The following TCOF1 variants were observed in gnomAD, a reference collection of about 807,000 sequenced individuals.
TCOF1 encodes the protein treacle protein.
A neutral mutation model predicts 149.0 loss-of-function variants in TCOF1; 33 were observed. That is an observed-to-expected ratio of 0.22 (90% CI 0.17 to 0.30). TCOF1 has a LOEUF of 0.30. Ranked by LOEUF, TCOF1 falls within the 10% of genes least tolerant of loss-of-function variation. The pLI is 1.00. For missense variants in TCOF1, 1,728 were observed against 1,840.7 expected (o/e 0.94, Z 1.12); for synonymous variants, 789 against 738.8 (o/e 1.07, Z -1.10).
At position 150,391,950 on chromosome 5, in the gene TCOF1, G is replaced by A. The variant is rs371596319; in HGVS notation, c.3298-7G>A. ...TCCTTCCATTCCTTCTCCTTTCACC[G>A]AATTAGGTTGACAGTGCTGTGGGAA... On this transcript the variant is annotated splice_polypyrimidine_tract_variant and splice_region_variant and intron_variant, in intron 20 of 26. Coordinates refer to ENST00000643257, the MANE Select transcript of TCOF1 (RefSeq NM_001371623.1). The A allele has an allele frequency of 3.0e-5, 49 of 1,613,850 alleles. No homozygotes were observed. Among genetic ancestry groups the A allele is most frequent in the Admixed American group, 2.8e-4 (17 of 59,970 alleles).
In TCOF1 at chr5:150,376,141, T is replaced by C. The variant is rs151344571; in HGVS notation, c.1953T>C (p.Thr651=). 2.1e-5 allele frequency: 34 copies of C among 1,614,062 alleles called. No individual in the cohort carries two copies. The highest frequency in any genetic ancestry group is 4.0e-5 in the African/African-American group (3 of 74,928). Residue 651 remains threonine, a synonymous_variant, in exon 13 of 27, where the codon ACT becomes ACC. Coordinates refer to ENST00000643257, the MANE Select transcript of TCOF1 (RefSeq NM_001371623.1). ...CCTGCCCAAAGAAAACCAATACCAC[T>C]GCATCTGCCAAGGTCGCCCCTGTGC... ...TKACPKKTNT[T]ASAKVAPVRV... is the part of the protein sequence containing the mutation.
At position 150,374,230 on chromosome 5, in the gene TCOF1, G is replaced by A; in HGVS notation, c.927G>A (p.Gly309=). 2 of 1,612,382 alleles carry A rather than the reference G, an allele frequency of 1.2e-6. No individual in the cohort carries two copies. The highest frequency in any genetic ancestry group is 2.2e-5 in the East Asian group (1 of 44,844). ...GAGCTGCCTCAGCCCCTGCCAAGGG[G>A]ACCCCTGGGAAAGGGGCTACCCCAG... is the stretch of plus-strand genomic sequence containing the variant. ...QVRAASAPAK[G]TPGKGATPAP... Residue 309 remains glycine, a synonymous_variant, in exon 8 of 27, where the codon GGG becomes GGA. Coordinates refer to ENST00000643257, the MANE Select transcript of TCOF1 (RefSeq NM_001371623.1).
rs758623239 is a variant in TCOF1 at position 150,377,521 on chromosome 5, G to A, written c.2340+901G>A. On this transcript the variant is annotated intron_variant, in intron 14 of 26. Transcript: ENST00000643257. ...CCACTGTTTATTATTTTTAATTGTC[G>A]CTCTGTTTTTTTCTGTAACCACTCA... Among the ~76,000 whole-genome samples, 6 of 152,128 alleles carry A rather than the reference G, an allele frequency of 3.9e-5. 1 individual carries two copies. The highest frequency in any genetic ancestry group is 4.1e-4 in the South Asian group (2 of 4,830).
intron 22 of TCOF1, chr5:150,393,037 T>G (rs1400804439): frequency 2.0e-5 from 12 of 600,748 alleles, no homozygotes; most frequent in Non-Finnish European, 2.9e-5. Flanking sequence ...TGACCTTGAT[T>G]CTGGGTGATG....
At position 150,382,543 on chromosome 5, in the gene TCOF1, A is replaced by C. The variant is rs1765444909; in HGVS notation, c.2859+2811A>C. On this transcript the variant is annotated intron_variant, in intron 17 of 26. Transcript: ENST00000643257. Reference sequence around the variant, plus strand: ...TTCCAATAGGGACCACTGAGCTGCCATCACCACCAGCATTTCCACCCAGAT... The same window carrying C: ...TTCCAATAGGGACCACTGAGCTGCCCTCACCACCAGCATTTCCACCCAGAT... 2.6e-5 allele frequency among the ~76,000 whole-genome samples: 4 copies of C among 152,218 alleles called. No individual in the cohort carries two copies. In the South Asian group the frequency reaches 8.3e-4, roughly 32 times the overall value.
Position 150,392,767 on chromosome 5 carries a change from G to T in TCOF1, c.3580G>T (p.Asp1194Tyr). 1.2e-6 allele frequency: 2 copies of T among 1,614,078 alleles called. No individual in the cohort carries two copies. The highest frequency in any genetic ancestry group is 1.7e-6 in the Non-Finnish European group (2 of 1,180,008). ...VEETAAESSE[D>Y]DVVAPSQSLL... ...GGAGACCGCAGCAGAGTCCAGCGAG[G>T]ATGATGTGGTGGCGCCATCCCAGGT... Residue 1194 changes from aspartate (D) to tyrosine (Y), a missense_variant, in exon 22 of 27, where the codon GAT (aspartate) becomes TAT (tyrosine). Physicochemically the swap from Asp to Tyr is radical, Grantham distance 160 (BLOSUM62 -3). Coordinates refer to ENST00000643257, the MANE Select transcript of TCOF1 (RefSeq NM_001371623.1).
chr5:150,392,649 C>A, intron 21 of TCOF1, 56 bp from the exon 22 acceptor site: 2 of 1,594,304 alleles, frequency 1.3e-6, no homozygotes, highest in Non-Finnish European at 1.7e-6. Flanking sequence ...GGGCTCTGCC[C>A]TTCCCGGCTG....
At chr5:150,384,528 G>A (rs1216982979) in intron 17 of TCOF1, 2 of 985,472 alleles carry the variant, frequency 2.0e-6, no homozygotes, top group African/African-American at 3.5e-5. Context: ...GCCTTTACGA[G>A]GCCACCTGCC....
rs758879098 is a variant in TCOF1, at chr5:150,399,076, C to T, written c.*22+6C>T. ...AGCACCAGCACCAGGCACAGGTACG[C>T]TTCCCAATCATTCCTGAGCATTCAG... On this transcript the variant is annotated splice_donor_region_variant and intron_variant, in intron 26 of 26. Coordinates refer to ENST00000643257, the MANE Select transcript of TCOF1 (RefSeq NM_001371623.1). The T allele has an allele frequency of 1.2e-6, 2 of 1,614,262 alleles. No homozygotes were observed. Among genetic ancestry groups the T allele is most frequent in the South Asian group, 2.2e-5 (2 of 91,092 alleles).
chr5:150,375,032 C>T lies in TCOF1; in HGVS notation c.1357C>T (p.Pro453Ser). 1 of 1,613,946 alleles carries T rather than the reference C, an allele frequency of 6.2e-7. No homozygotes were observed. Among genetic ancestry groups the T allele is most frequent in the East Asian group, 2.2e-5 (1 of 44,872 alleles). The stretch of plus-strand genomic sequence containing the variant: ...GGAGTCCCCCAGGAAAGGGGCTGCC[C>T]CAGCACCTCCTAGGAAAACAGGGCC... ...AKESPRKGAA[P>S]APPRKTGPAA... The change falls in exon 10 of 27, where the codon CCA (proline) becomes TCA (serine). Residue 453 changes from proline to serine, a missense_variant. Physicochemically the swap from Pro to Ser is moderately conservative, Grantham distance 74. This residue lies in a region of TCOF1 where 1,696 missense variants were observed against 1,765.4 expected (regional missense o/e 0.96). Transcript: ENST00000643257.
At chr5:150,377,188 C>T (rs898670071) in intron 14 of TCOF1, among the ~76,000 whole-genome samples, 2 of 152,194 alleles carry the variant, frequency 1.3e-5, no homozygotes, top group Non-Finnish European at 2.9e-5. Flanking sequence ...ACAGGCGGCA[C>T]ATTGTGGTGG....
chr5:150,357,725 C>A lies in TCOF1; in HGVS notation c.-22C>A, dbSNP rs1224704963. 6.5e-7 allele frequency: 1 copy of A among 1,543,504 alleles called. No individual in the cohort carries two copies. Among genetic ancestry groups the A allele is most frequent in the Non-Finnish European group, 8.7e-7 (1 of 1,143,548 alleles). On this transcript the variant is annotated 5_prime_UTR_variant, in exon 1 of 27. Coordinates refer to ENST00000643257, the MANE Select transcript of TCOF1 (RefSeq NM_001371623.1). The stretch of plus-strand genomic sequence containing the variant: ...GACTAAGGCGGGGCGTGCAGGTAGC[C>A]GGCCGGCCGGGGGTCGCGGGTATGG...
intron 8 of TCOF1, 28 bp from the exon 9 acceptor site, chr5:150,374,589 G>T: frequency 6.2e-7 from 1 of 1,612,498 alleles, no homozygotes; most frequent in South Asian, 1.1e-5. Flanking sequence ...CATCCTCTGG[G>T]CTGTCTCCCC....
rs1451918607 is a variant in TCOF1, at chr5:150,369,455, GTGGGGAGGTGC to G, written c.566-65_566-55del. The G allele has an allele frequency of 2.6e-6, 4 of 1,565,344 alleles. No homozygotes were observed. The South Asian group carries it at 3.3e-5, about 13-fold the overall frequency. On this transcript the variant is annotated intron_variant, in intron 5 of 26. Transcript: ENST00000643257. ...CCTGGCTTTGATGAGCAGCTGGTTT[GTGGGGAGGTGC>G]TGGGGAGGGGCAGGTGAGGCTGGAA...
intron 26 of TCOF1, among the ~76,000 whole-genome samples, chr5:150,399,402 G>T (rs530757932): frequency 6.6e-6 from 1 of 152,108 alleles, no homozygotes; most frequent in African/African-American, 2.4e-5. Context: ...ACTTGTGAGC[G>T]GTTCATTTTC....
intron 23 of TCOF1, 86 bp downstream of exon 23, chr5:150,393,638 C>A: frequency 6.4e-7 from 1 of 1,555,748 alleles, no homozygotes; most frequent in Non-Finnish European, 8.8e-7. Context: ...AGCAACAGTC[C>A]TCCCAACATG....
chr5:150,379,774 C>T (rs754968573), intron 17 of TCOF1, 42 bp downstream of exon 17: 1 of 1,602,978 alleles, frequency 6.2e-7, no homozygotes, highest in Non-Finnish European at 8.5e-7. Flanking sequence ...ACTCACTCCT[C>T]AGAACGGGGG....
At position 150,399,857 on chromosome 5, in the gene TCOF1, C is replaced by T. The variant is rs80291873; in HGVS notation, c.*70C>T. On this transcript the variant is annotated 3_prime_UTR_variant, in exon 27 of 27. Coordinates refer to ENST00000643257, the MANE Select transcript of TCOF1 (RefSeq NM_001371623.1). ...CCATCCCCATGCCTCTGACCTCCAC[C>T]GACCTCTGCCCACCATGGGTTGGAA... The T allele has an allele frequency of 1.8e-3, 279 of 152,668 alleles. 2 individuals are homozygous for T. Among genetic ancestry groups the T allele is most frequent in the Non-Finnish European group, 3.4e-3 (233 of 68,302 alleles). The allele number at this position is 152,668 out of a possible 1,614,324, so 9.5% of individuals were successfully genotyped here. A position where few individuals can be genotyped will look rare whatever the true frequency, so the allele number is the denominator to read the frequency against.
At chr5:150,388,488 A>G (rs991628541) in intron 18 of TCOF1, among the ~76,000 whole-genome samples, 3 of 152,180 alleles carry the variant, frequency 2.0e-5, no homozygotes, top group African/African-American at 7.2e-5. Flanking sequence ...CATCACAGGG[A>G]TAGATTTCAT....
Sources: gnomAD v4.1 joint callset for allele counts (sites outside exome capture counted in the v4.1 genomes callset) on GRCh38, gnomAD v4.1.1 for gene constraint, gnomAD v4.1.1 regional missense constraint, MANE v1.5 for transcripts, NCBI Gene and HGNC (gene_info 2026-07-23, HGNC 2026-07-21) for gene names.